The following CHRM3 variants were observed in gnomAD, a reference collection of about 807,000 sequenced individuals.
CHRM3 encodes the protein cholinergic receptor muscarinic 3.
CHRM3 carries 11 observed loss-of-function variants against 41.8 expected under a neutral mutation model. The observed-to-expected ratio is 0.26, with a 90% CI of 0.17 to 0.44. The LOEUF (loss-of-function observed/expected upper bound fraction) is 0.44, where lower values mean the gene tolerates loss of function less well. Ranked by LOEUF, CHRM3 falls within the 20% of genes least tolerant of loss-of-function variation. The pLI, the probability that CHRM3 is intolerant of heterozygous loss-of-function variation, is 1.00. For synonymous variants in CHRM3, 297 were observed against 301.4 expected, an observed-to-expected ratio of 0.99 and a Z score of 0.15; for missense variants, 571 against 745.4, an observed-to-expected ratio of 0.77 and a Z score of 2.72.
intron 2 of CHRM3, among the ~76,000 whole-genome samples, chr1:239,535,350 G>T (rs1341687303): frequency 6.6e-6 from 1 of 151,644 alleles, no homozygotes; most frequent in South Asian, 2.1e-4. Flanking sequence ...CTCCATGTAT[G>T]TTGTCTTCTC....
intron 5 of CHRM3, among the ~76,000 whole-genome samples, chr1:239,785,843 T>A (rs1213871644): frequency 1.3e-5 from 2 of 152,150 alleles, no homozygotes; most frequent in Non-Finnish European, 2.9e-5. Context: ...AGTTTGCAAA[T>A]TCTTCCTGCT....
At position 239,748,401 on chromosome 1, in the gene CHRM3, C is replaced by A. The variant is rs796486075; in HGVS notation, c.-147+70113C>A. On this transcript the variant is annotated intron_variant, in intron 5 of 6. Transcript: ENST00000676153. This position sits in a 1 kb window ranked among gnomAD's most constrained non-coding sequence, Gnocchi z 4.3. ...AGACTGATCAATTTCCCATTACTGC[C>A]ACTCCATGGTGCACATTTCCTGAGC... Among the ~76,000 whole-genome samples the A allele has an allele frequency of 2.6e-5, 4 of 152,100 alleles. No homozygotes were observed. The highest frequency in any genetic ancestry group is 4.2e-4 in the South Asian group (2 of 4,818).
intron 6 of CHRM3, among the ~76,000 whole-genome samples, chr1:239,857,444 T>C (rs1675212919): frequency 6.6e-6 from 1 of 152,188 alleles, no homozygotes; most frequent in Non-Finnish European, 1.5e-5. Flanking sequence ...ATAAGTTTTA[T>C]TGCTTTGAAG....
At chr1:239,469,002 T>C (rs1438752413) in intron 1 of CHRM3, among the ~76,000 whole-genome samples, 1 of 152,170 alleles carries the variant, frequency 6.6e-6, no homozygotes, top group African/African-American at 2.4e-5. Context: ...CACCAAAATT[T>C]ATAAGGGAAG....
At chr1:239,595,523 T>C (rs1664681802) in intron 3 of CHRM3, among the ~76,000 whole-genome samples, 1 of 152,226 alleles carries the variant, frequency 6.6e-6, no homozygotes, top group Admixed American at 6.5e-5. Flanking sequence ...TTTATTTAAG[T>C]ATTTGGAAAT....
At chr1:239,586,153 T>C (rs1293841335) in intron 3 of CHRM3, among the ~76,000 whole-genome samples, 1 of 152,220 alleles carries the variant, frequency 6.6e-6, no homozygotes, top group Non-Finnish European at 1.5e-5. Context: ...TGAATTAATG[T>C]GCCAAACATG....
intron 6 of CHRM3, among the ~76,000 whole-genome samples, chr1:239,870,460 C>T (rs1016470352): frequency 1.3e-5 from 2 of 152,122 alleles, no homozygotes; most frequent in African/African-American, 4.8e-5. Flanking sequence ...TTCAACCCAC[C>T]CCTTCCCGGG....
chr1:239,409,881 C>T (rs563967435), intron 1 of CHRM3, among the ~76,000 whole-genome samples: 1 of 152,284 alleles, frequency 6.6e-6, no homozygotes, highest in South Asian at 2.1e-4. Context: ...GCGGAGGTTG[C>T]AGTGAGCCTA....
chr1:239,476,764 G>T (rs1666498097), intron 1 of CHRM3, among the ~76,000 whole-genome samples: 1 of 152,122 alleles, frequency 6.6e-6, no homozygotes, highest in Non-Finnish European at 1.5e-5. Flanking sequence ...GCATGTTGAT[G>T]ACATTTTCAA....
chr1:239,900,307 A>G (rs999573432), intron 6 of CHRM3, among the ~76,000 whole-genome samples: 3 of 151,868 alleles, frequency 2.0e-5, no homozygotes, highest in Admixed American at 6.6e-5. Context: ...CATATTACCT[A>G]TGAAATAATA....
chr1:239,503,096 A>T (rs1423726121), intron 2 of CHRM3, among the ~76,000 whole-genome samples: 1 of 152,204 alleles, frequency 6.6e-6, no homozygotes, highest in Admixed American at 6.5e-5. Flanking sequence ...AGGGCATCCA[A>T]AATGGTAAAG....
chr1:239,434,695 ACAG>A (rs1663095743), intron 1 of CHRM3, among the ~76,000 whole-genome samples: 1 of 152,190 alleles, frequency 6.6e-6, no homozygotes, highest in Non-Finnish European at 1.5e-5. Context: ...AATGAGCAAA[ACAG>A]ACAAAAATTT....
chr1:239,822,284 G>C (rs1410439322), intron 5 of CHRM3, among the ~76,000 whole-genome samples: 12 of 152,162 alleles, frequency 7.9e-5, no homozygotes, highest in Non-Finnish European at 1.6e-4. Context: ...CCCGTAACTT[G>C]GTTCTGATGC....
intron 2 of CHRM3, among the ~76,000 whole-genome samples, chr1:239,521,379 A>G (rs76262955): frequency 0.071 from 10,882 of 152,244 alleles, 803 homozygotes; most frequent in African/African-American, 0.19. Context: ...CTTTGAGGAT[A>G]CGAGAGGACA....
At chr1:239,647,935 C>T (rs984249462) in intron 4 of CHRM3, among the ~76,000 whole-genome samples, 2 of 152,120 alleles carry the variant, frequency 1.3e-5, no homozygotes, top group Non-Finnish European at 2.9e-5. Flanking sequence ...GCACCTACCT[C>T]ACAGTAGTAT....
chr1:239,426,128 A>ATCCCTCC (rs1393203148), intron 1 of CHRM3, among the ~76,000 whole-genome samples: 2 of 64,112 alleles, frequency 3.1e-5, no homozygotes, highest in African/African-American at 1.3e-4. Flanking sequence ...TCCTAATGCT[A>ATCCCTCC]TCCCTCCCCC....
chr1:239,407,568 A>G (rs1299704953), intron 1 of CHRM3, among the ~76,000 whole-genome samples: 2 of 151,578 alleles, frequency 1.3e-5, no homozygotes, highest in African/African-American at 2.4e-5. Flanking sequence ...TGACAAACCC[A>G]CCCTTATATT....
chr1:239,475,137 A>G lies in CHRM3; in HGVS notation c.-520-17572A>G, dbSNP rs772531407. Among the ~76,000 whole-genome samples, 94 of 152,236 alleles carry G rather than the reference A, an allele frequency of 6.2e-4. 2 individuals carry two copies. Among genetic ancestry groups the G allele is most frequent in the Non-Finnish European group, 6.8e-4 (46 of 67,942 alleles). On this transcript the variant is annotated intron_variant, in intron 1 of 6. Coordinates refer to ENST00000676153, the MANE Select transcript of CHRM3 (RefSeq NM_001375978.1). The stretch of plus-strand genomic sequence containing the variant: ...AGGAAAATGGAATAATTTAATTCCT[A>G]AGTAAAATTAAGTTGACAAAATTGT...
chr1:239,828,695 T>A (rs568726301), intron 6 of CHRM3, among the ~76,000 whole-genome samples: 2 of 152,052 alleles, frequency 1.3e-5, no homozygotes, highest in African/African-American at 4.8e-5. Flanking sequence ...GAGAGGGGTA[T>A]GAGAGAAGGT....
Sources: allele counts gnomAD v4.1 joint callset (sites outside exome capture counted in the v4.1 genomes callset), GRCh38; gene constraint gnomAD v4.1.1; non-coding constraint Gnocchi (gnomAD v3.1); transcripts MANE v1.5; gene names NCBI Gene and HGNC (gene_info 2026-07-23, HGNC 2026-07-21).